The following MBNL3 variants were observed in gnomAD, a reference collection of about 807,000 sequenced individuals.
MBNL3 encodes muscleblind-like protein 3.
Under a neutral mutation model 24.5 loss-of-function variants are expected in MBNL3, and 6 were observed. The observed-to-expected ratio is 0.25, with a 90% CI of 0.13 to 0.48. The LOEUF (loss-of-function observed/expected upper bound fraction) is 0.48. Among genes scored for constraint, MBNL3 ranks in the 20% least tolerant of loss-of-function variants. The pLI, the probability that MBNL3 is intolerant of heterozygous loss-of-function variation, is 0.99. For synonymous variants in MBNL3, 100 were observed against 101.7 expected, an observed-to-expected ratio of 0.98 and a Z score of 0.10; for missense variants, 230 against 293.5, an observed-to-expected ratio of 0.78 and a Z score of 1.58.
At chrX:132,394,040 C>G (rs1451679911) in intron 3 of MBNL3, among the ~76,000 whole-genome samples, 3 of 111,304 alleles carry the variant, frequency 2.7e-5, no homozygotes, top group Admixed American at 9.6e-5. Flanking sequence ...ATCAAATTAG[C>G]TGATTGGGAC....
intron 1 of MBNL3, among the ~76,000 whole-genome samples, chrX:132,479,950 A>C (rs188621725): frequency 1.8e-4 from 20 of 111,683 alleles, no homozygotes; most frequent in Admixed American, 1.6e-3. Flanking sequence ...AGAACTCAGA[A>C]CAGATGTTTG....
Position 132,390,862 on chromosome X carries a change from T to C in MBNL3, c.756A>G (p.Ser252=), listed in dbSNP as rs1292673304. 8.3e-6 allele frequency: 10 copies of C among 1,208,024 alleles called. No homozygotes were observed. The East Asian group carries it at 2.7e-4, about 32-fold the overall frequency. The change falls in exon 5 of 9, where the codon TCA becomes TCG. Residue 252 remains serine, a synonymous_variant. Transcript: ENST00000370853. ...LKAAHHQMNH[S]AASAMALQPG... is the part of the protein sequence containing the mutation. ...CTTTTCTTACCATGGCAGAGGCAGC[T>C]GAATGGTTCATCTGATGATGAGCTG...
intron 1 of MBNL3, among the ~76,000 whole-genome samples, chrX:132,471,395 T>C (rs1273506004): frequency 8.9e-6 from 1 of 112,919 alleles, no homozygotes; most frequent in Non-Finnish European, 1.9e-5. Flanking sequence ...ACATCTATAA[T>C]ATAACTGGGC....
rs775770183 is a variant in MBNL3 at position 132,406,345 on chromosome X, G to C, written c.225C>G (p.His75Gln). The change falls in exon 3 of 9, where the codon CAC (histidine) becomes CAG (glutamine). Residue 75 changes from histidine to glutamine, a missense_variant. Transcript: ENST00000370853. ...CATTAATCTCCAGCTGCGTTTTTAA[G>C]TGTGGAGGAGGGTGAAGGTACTTGC... The part of the protein sequence containing the change: ...ENCKYLHPPP[H>Q]LKTQLEINGR... 1 of 1,210,288 alleles carries C rather than the reference G, an allele frequency of 8.3e-7. No homozygotes were observed. The highest frequency in any genetic ancestry group is 3.0e-5 in the East Asian group (1 of 33,777).
intron 1 of MBNL3, among the ~76,000 whole-genome samples, chrX:132,446,050 G>T (rs1945697944): frequency 9.0e-6 from 1 of 111,596 alleles, no homozygotes; most frequent in Non-Finnish European, 1.9e-5. Context: ...GCAGTGTTTA[G>T]TTTTCTGTTC....
chrX:132,461,234 A>G (rs1341052947), intron 1 of MBNL3, among the ~76,000 whole-genome samples: 2 of 111,504 alleles, frequency 1.8e-5, no homozygotes, highest in Non-Finnish European at 3.8e-5. Context: ...TACAGGTAAA[A>G]GGTACAGAGA....
At chrX:132,396,405 C>CCT (rs1938426676) in intron 3 of MBNL3, among the ~76,000 whole-genome samples, 1 of 76,983 alleles carries the variant, frequency 1.3e-5, no homozygotes, top group African/African-American at 5.4e-5. Flanking sequence ...TATATATATT[C>CCT]ATATATATTC....
chrX:132,394,479 GC>G (rs1472614429), intron 3 of MBNL3, among the ~76,000 whole-genome samples: 5 of 111,945 alleles, frequency 4.5e-5, no homozygotes, highest in African/African-American at 1.6e-4. Context: ...ACACGATAGT[GC>G]TCTTCACTTG....
intron 2 of MBNL3, among the ~76,000 whole-genome samples, chrX:132,423,743 A>T (rs1944045957): frequency 8.9e-6 from 1 of 111,972 alleles, no homozygotes; most frequent in African/African-American, 3.2e-5. Flanking sequence ...TTTTACGAGT[A>T]GCCCCAGCTG....
rs1317743509 is a variant in MBNL3, at chrX:132,369,920, G to A, written c.*9746C>T. On this transcript the variant is annotated 3_prime_UTR_variant, in exon 9 of 9. Coordinates refer to ENST00000370853, the MANE Select transcript of MBNL3 (RefSeq NM_001386889.1). ...GGCTGCACTGGCCAGAACTGCCATTGTATACTAATTTCTGCATCCACTTTA... is the reference window on the plus strand; with the variant it reads ...GGCTGCACTGGCCAGAACTGCCATTATATACTAATTTCTGCATCCACTTTA... 8.9e-6 allele frequency: 1 copy of A among 111,912 alleles called. No individual in the cohort carries two copies. The highest frequency in any genetic ancestry group is 9.5e-5 in the Admixed American group (1 of 10,508). The allele number at this position is 111,912 out of a possible 1,213,427, so 9.2% of individuals were successfully genotyped here. A position where few individuals can be genotyped will look rare whatever the true frequency, so the allele number is the denominator to read the frequency against.
Position 132,390,332 on chromosome X carries a change from C to T in MBNL3, c.771+515G>A, listed in dbSNP as rs145716154. Reference sequence around the variant, plus strand: ...TGCTCCCAACCACGTAGAAATTTCCCCCCAGACTAAGCAGGCTGCTGTCCT... The same window carrying T: ...TGCTCCCAACCACGTAGAAATTTCCTCCCAGACTAAGCAGGCTGCTGTCCT... On this transcript the variant is annotated intron_variant, in intron 5 of 8. Transcript: ENST00000370853. Among the ~76,000 whole-genome samples the T allele has an allele frequency of 5.7e-3, 621 of 108,501 alleles. 7 individuals are homozygous for T. The highest frequency in any genetic ancestry group is 0.02 in the African/African-American group (600 of 29,740). 94.2% of individuals were successfully genotyped at this position (108,501 alleles called of 115,157 possible).
At position 132,372,908 on chromosome X, in the gene MBNL3, C is replaced by A. The variant is rs1376675248; in HGVS notation, c.*6758G>T. 1.8e-5 allele frequency: 2 copies of A among 111,119 alleles called. No individual in the cohort carries two copies. Among genetic ancestry groups the A allele is most frequent in the East Asian group, 5.6e-4 (2 of 3,566 alleles). 9.2% of individuals were successfully genotyped at this position (111,119 alleles called of 1,213,427 possible). A position where few individuals can be genotyped will look rare whatever the true frequency, so the allele number is the denominator to read the frequency against. On this transcript the variant is annotated 3_prime_UTR_variant, in exon 9 of 9. Coordinates refer to ENST00000370853, the MANE Select transcript of MBNL3 (RefSeq NM_001386889.1). ...TGGATTCTATTTAAAGATAAAATTT[C>A]TCTTCAATAATCCAGCTTTTGAGTA...
At chrX:132,412,365 C>T (rs1455097609) in intron 2 of MBNL3, among the ~76,000 whole-genome samples, 1 of 111,574 alleles carries the variant, frequency 9.0e-6, no homozygotes, top group East Asian at 2.8e-4. Flanking sequence ...AAAAAAACTG[C>T]GTTCTCCAAC....
chrX:132,434,545 C>T (rs1252768470), intron 2 of MBNL3, among the ~76,000 whole-genome samples: 1 of 112,087 alleles, frequency 8.9e-6, no homozygotes, highest in Non-Finnish European at 1.9e-5. Flanking sequence ...TTAAAGTTAA[C>T]ATAATGAATA....
chrX:132,437,586 C>T (rs555545260), intron 2 of MBNL3, among the ~76,000 whole-genome samples: 7 of 111,188 alleles, frequency 6.3e-5, no homozygotes, highest in African/African-American at 1.3e-4. Flanking sequence ...TTAAGTTGCC[C>T]GAGGTCAGAT....
chrX:132,484,953 ACACAC>A (rs1217775846), intron 1 of MBNL3, among the ~76,000 whole-genome samples: 1 of 110,040 alleles, frequency 9.1e-6, no homozygotes, highest in African/African-American at 3.3e-5. Flanking sequence ...ACACACACAC[ACACAC>A]ATTTAAATCA....
intron 8 of MBNL3, among the ~76,000 whole-genome samples, chrX:132,381,119 A>G: frequency 8.9e-6 from 1 of 112,209 alleles, no homozygotes; most frequent in Admixed American, 9.5e-5. Flanking sequence ...ATAGGAAAAC[A>G]TTTAAGAATG....
At chrX:132,445,661 C>T (rs1376192475) in intron 1 of MBNL3, among the ~76,000 whole-genome samples, 1 of 111,034 alleles carries the variant, frequency 9.0e-6, no homozygotes, top group Non-Finnish European at 1.9e-5. Context: ...AAAATAGGTG[C>T]AACAGTGTCT....
At chrX:132,486,321 T>A (rs1948007073) in intron 1 of MBNL3, among the ~76,000 whole-genome samples, 3 of 112,071 alleles carry the variant, frequency 2.7e-5, no homozygotes, top group African/African-American at 9.7e-5. Context: ...TACTAAACTA[T>A]ACTGTCAACA....
Sources: gnomAD v4.1 joint callset for allele counts (sites outside exome capture counted in the v4.1 genomes callset) on GRCh38, gnomAD v4.1.1 for gene constraint, MANE v1.5 for transcripts, NCBI Gene and HGNC (gene_info 2026-07-23, HGNC 2026-07-21) for gene names.